The following CDH2 variants were observed in gnomAD, a reference collection of about 807,000 sequenced individuals.
CDH2 encodes cadherin-2.
Under a neutral mutation model 92.0 loss-of-function variants are expected in CDH2, and 17 were observed. The observed-to-expected ratio is 0.18, with a 90% CI of 0.13 to 0.28. The LOEUF (loss-of-function observed/expected upper bound fraction) is 0.28, where lower values mean the gene tolerates loss of function less well. CDH2 is among the 10% of genes least tolerant of loss of function. CDH2 has a pLI of 1.00. For synonymous variants in CDH2, 419 were observed against 415.9 expected (o/e 1.01, Z -0.09); for missense variants, 862 against 1,133.1 (o/e 0.76, Z 3.44).
chr18:28,104,559 G>T (rs532830121), intron 2 of CDH2, among the ~76,000 whole-genome samples: 47 of 151,528 alleles, frequency 3.1e-4, no homozygotes, highest in African/African-American at 1.1e-3. Flanking sequence ...AAATGGGTGA[G>T]AAGTGTAAGT....
At chr18:27,958,171 G>C (rs2011298219) in intron 15 of CDH2, among the ~76,000 whole-genome samples, 1 of 152,154 alleles carries the variant, frequency 6.6e-6, no homozygotes, top group Non-Finnish European at 1.5e-5. Flanking sequence ...CAAGGTAACA[G>C]AGCTGTTAGG....
intron 1 of CDH2, among the ~76,000 whole-genome samples, chr18:28,167,265 G>A (rs2016399354): frequency 6.6e-6 from 1 of 152,124 alleles, no homozygotes; most frequent in Non-Finnish European, 1.5e-5. Context: ...GCATTTGGCT[G>A]AAGTGATATT....
intron 7 of CDH2, among the ~76,000 whole-genome samples, chr18:27,997,651 G>A (rs2012625397): frequency 1.3e-5 from 2 of 152,092 alleles, no homozygotes; most frequent in African/African-American, 4.8e-5. Flanking sequence ...GGGAGACTGA[G>A]GAGAAGGTCC....
chr18:28,113,404 C>G (rs978372840), intron 2 of CDH2, among the ~76,000 whole-genome samples: 2 of 145,530 alleles, frequency 1.4e-5, no homozygotes, highest in African/African-American at 5.1e-5. Context: ...TTGAACAGAA[C>G]ATTTAAATAC....
chr18:27,941,284 C>A (rs1909134277), intron 6 of CDH2, among the ~76,000 whole-genome samples: 1 of 152,120 alleles, frequency 6.6e-6, no homozygotes, highest in Non-Finnish European at 1.5e-5. Context: ...ATCCGCCCGT[C>A]TCGGCCTCCT....
At chr18:28,114,713 A>C (rs1227282227) in intron 2 of CDH2, among the ~76,000 whole-genome samples, 2 of 152,054 alleles carry the variant, frequency 1.3e-5, no homozygotes, top group Non-Finnish European at 2.9e-5. Flanking sequence ...TAAAATACTT[A>C]AGTTACTAAG....
chr18:27,959,992 G>T (rs1380761459), intron 15 of CDH2, among the ~76,000 whole-genome samples: 1 of 148,902 alleles, frequency 6.7e-6, no homozygotes, highest in East Asian at 2.0e-4. Context: ...TCCAGCCTGA[G>T]CAACAGAGAG....
At chr18:27,986,421 C>T (rs938463149) in intron 11 of CDH2, among the ~76,000 whole-genome samples, 1 of 152,150 alleles carries the variant, frequency 6.6e-6, no homozygotes, top group Non-Finnish European at 1.5e-5. Context: ...TGGCCACACA[C>T]TCTTGTAAGT....
At chr18:28,042,987 C>T (rs1234238409) in intron 2 of CDH2, among the ~76,000 whole-genome samples, 1 of 152,154 alleles carries the variant, frequency 6.6e-6, no homozygotes, top group Non-Finnish European at 1.5e-5. Context: ...AAGAGATTTG[C>T]TTCTGTTTCT....
chr18:27,948,506 A>G (rs1909331415), downstream of CDH2, among the ~76,000 whole-genome samples: 1 of 151,990 alleles, frequency 6.6e-6, no homozygotes, highest in South Asian at 2.1e-4. Flanking sequence ...TGAGAACCAC[A>G]TAAAAATGAA....
At chr18:27,987,268 C>T (rs17445812) in intron 11 of CDH2, among the ~76,000 whole-genome samples, 4 of 152,230 alleles carry the variant, frequency 2.6e-5, no homozygotes, top group Non-Finnish European at 5.9e-5. Flanking sequence ...AAGCATAAAA[C>T]AGGTACTAAT....
intron 2 of CDH2, among the ~76,000 whole-genome samples, chr18:28,056,977 T>C (rs2014305272): frequency 6.6e-6 from 1 of 152,162 alleles, no homozygotes; most frequent in Non-Finnish European, 1.5e-5. Flanking sequence ...TTGTGTTGAA[T>C]TATTGTATGA....
intron 7 of CDH2, among the ~76,000 whole-genome samples, chr18:27,998,539 A>C (rs966642069): frequency 1.3e-5 from 2 of 152,152 alleles, no homozygotes; most frequent in African/African-American, 4.8e-5. Flanking sequence ...CACATGCAGC[A>C]TGTGCACAGG....
At chr18:28,090,457 C>T (rs1349338001) in intron 2 of CDH2, among the ~76,000 whole-genome samples, 1 of 152,166 alleles carries the variant, frequency 6.6e-6, no homozygotes, top group African/African-American at 2.4e-5. Context: ...ACTGCACTAT[C>T]TTCCAAGGTC....
At chr18:27,991,153 C>G (rs17493465) in intron 9 of CDH2, among the ~76,000 whole-genome samples, 128 of 152,274 alleles carry the variant, frequency 8.4e-4, no homozygotes, top group African/African-American at 3.0e-3. Flanking sequence ...AATGACTAGA[C>G]TGGACATTCA....
rs1662733 is a variant in CDH2 at position 27,992,873 on chromosome 18, G to A, written c.1159-33C>T. 1 allele frequency: 1,580,813 copies of A among 1,583,506 alleles called. 789,110 individuals are homozygous for A. The highest frequency in any genetic ancestry group is 1 in the East Asian group (44,572 of 44,572). On this transcript the variant is annotated intron_variant, in intron 8 of 15. Coordinates refer to ENST00000269141, the MANE Select transcript of CDH2 (RefSeq NM_001792.5). ...AAAGACAAACCTCAGTCAGAGGAGG[G>A]GCATGGACCACTGAAGGACAACTTG...
chr18:28,154,499 G>T (rs1251354948), intron 1 of CDH2, among the ~76,000 whole-genome samples: 1 of 152,212 alleles, frequency 6.6e-6, no homozygotes, highest in African/African-American at 2.4e-5. Context: ...GTCTAGAGAG[G>T]ACAGAAGTGT....
chr18:28,081,877 C>G (rs1362602115), intron 2 of CDH2, among the ~76,000 whole-genome samples: 1 of 152,134 alleles, frequency 6.6e-6, no homozygotes, highest in African/African-American at 2.4e-5. Flanking sequence ...CATTTTAGAA[C>G]AGGGTATTTC....
intron 2 of CDH2, among the ~76,000 whole-genome samples, chr18:28,146,999 T>C (rs974438964): frequency 1.3e-5 from 2 of 152,132 alleles, no homozygotes; most frequent in Non-Finnish European, 2.9e-5. Flanking sequence ...GTTTTCCTTT[T>C]GATACTTAGG....
Sources: gnomAD v4.1 joint callset for allele counts (sites outside exome capture counted in the v4.1 genomes callset) on GRCh38, gnomAD v4.1.1 for gene constraint, MANE v1.5 for transcripts, NCBI Gene and HGNC (gene_info 2026-07-23, HGNC 2026-07-21) for gene names.